Variants in ACSM5 observed in about 807,000 individuals in gnomAD.
ACSM5 encodes acyl-CoA synthetase medium chain family member 5, also known as acyl-coenzyme A synthetase ACSM5, mitochondrial.
ACSM5 carries 56 observed loss-of-function variants against 71.6 expected under a neutral mutation model. That is an observed-to-expected ratio of 0.78 (90% CI 0.63 to 0.98). The LOEUF is 0.98. Among genes scored for constraint, ACSM5 ranks in the 50% least tolerant of loss-of-function variants. The pLI, the probability that ACSM5 is intolerant of heterozygous loss-of-function variation, is 0.00. For synonymous variants in ACSM5, 285 were observed against 281.5 expected (o/e 1.01, Z -0.12); for missense variants, 723 against 726.0 (o/e 1.00, Z 0.05).
chr16:20,419,098 T>C, intron 3 of ACSM5, 130 bp from the exon 4 acceptor site: 2 of 746,432 alleles, frequency 2.7e-6, no homozygotes, highest in Admixed American at 4.7e-5. Flanking sequence ...AGGCTGTTAT[T>C]ATTATTATTG....
chr16:20,413,842 C>T (rs1199690076), intron 2 of ACSM5, among the ~76,000 whole-genome samples: 7 of 152,118 alleles, frequency 4.6e-5, no homozygotes, highest in Non-Finnish European at 7.3e-5. Flanking sequence ...TGCCCCAACA[C>T]CCACCCAAAG....
chr16:20,421,185 T>G, intron 4 of ACSM5, 73 bp from the exon 5 acceptor site: 1 of 1,469,084 alleles, frequency 6.8e-7, no homozygotes, highest in Non-Finnish European at 9.1e-7. Flanking sequence ...GTCATATTGT[T>G]GTTACACATA....
Position 20,419,290 on chromosome 16 carries a change from G to A in ACSM5, c.478G>A (p.Ala160Thr). 3.7e-6 allele frequency: 6 copies of A among 1,614,122 alleles called. No homozygotes were observed. Among genetic ancestry groups the A allele is most frequent in the Non-Finnish European group, 5.1e-6 (6 of 1,180,026 alleles). The change falls in exon 4 of 14, where the codon GCG becomes ACG. Residue 160 changes from alanine to threonine, a missense_variant. Coordinates refer to ENST00000331849, the MANE Select transcript of ACSM5 (RefSeq NM_017888.3). The part of the protein sequence containing the change: ...TEKDLKYRLQ[A>T]SRAKSIITSD... ...GAAGGACCTCAAGTACCGGCTGCAGGCGTCCAGGGCCAAGTCCATTATCAC... is the reference window on the plus strand; with the variant it reads ...GAAGGACCTCAAGTACCGGCTGCAGACGTCCAGGGCCAAGTCCATTATCAC...
intron 3 of ACSM5, 84 bp downstream of exon 3, chr16:20,418,353 G>C: frequency 7.4e-7 from 1 of 1,353,328 alleles, no homozygotes; most frequent in Non-Finnish European, 1.0e-6. Flanking sequence ...CTTGAAGATG[G>C]AGCAAAAATA....
intron 5 of ACSM5, 124 bp from the exon 6 acceptor site, chr16:20,423,792 A>G (rs903557605): frequency 8.9e-7 from 1 of 1,128,178 alleles, no homozygotes; most frequent in African/African-American, 1.6e-5. Context: ...GGTCTTGTTC[A>G]GGTTTCACAA....
intron 10 of ACSM5, among the ~76,000 whole-genome samples, chr16:20,432,449 A>G (rs1967117149): frequency 6.6e-6 from 1 of 152,234 alleles, no homozygotes; most frequent in Middle Eastern, 3.2e-3. Context: ...TCACTACAAG[A>G]GAAATAATCT....
At chr16:20,414,211 T>A (rs1966852436) in intron 2 of ACSM5, among the ~76,000 whole-genome samples, 1 of 152,202 alleles carries the variant, frequency 6.6e-6, no homozygotes, top group Admixed American at 6.5e-5. Flanking sequence ...CCTTAATCCC[T>A]GAAACCTGTG....
At chr16:20,432,966 T>G (rs2141658585) in intron 10 of ACSM5, among the ~76,000 whole-genome samples, 1 of 146,462 alleles carries the variant, frequency 6.8e-6, no homozygotes, top group East Asian at 2.2e-4. Flanking sequence ...CAAGCAACTC[T>G]CGCGCTCCAG....
intron 12 of ACSM5, among the ~76,000 whole-genome samples, chr16:20,438,685 G>A (rs1023297407): frequency 6.6e-6 from 1 of 151,640 alleles, no homozygotes; most frequent in Non-Finnish European, 1.5e-5. Flanking sequence ...GCCGGACACG[G>A]TGGCTCATGT....
At chr16:20,437,470 T>C in intron 12 of ACSM5, 103 bp downstream of exon 12, 3 of 966,360 alleles carry the variant, frequency 3.1e-6, no homozygotes, top group Non-Finnish European at 4.7e-6. Flanking sequence ...ACCTCCATCC[T>C]TGTGCCACAA....
At chr16:20,437,008 A>G (rs11646020) in intron 10 of ACSM5, 44 bp from the exon 11 acceptor site, 472,760 of 1,531,362 alleles carry the variant, frequency 0.31, 85,559 homozygotes, top group East Asian at 0.8. Context: ...TGGCCTTAGC[A>G]GTTGTTCCCA....
At chr16:20,436,747 C>T (rs1255857664) in intron 10 of ACSM5, among the ~76,000 whole-genome samples, 1 of 152,140 alleles carries the variant, frequency 6.6e-6, no homozygotes, top group Non-Finnish European at 1.5e-5. Flanking sequence ...AAAACCACAG[C>T]CAGTGGCCCT....
At chr16:20,436,218 T>TCTTCC (rs1311385772) in intron 10 of ACSM5, among the ~76,000 whole-genome samples, 1 of 135,726 alleles carries the variant, frequency 7.4e-6, no homozygotes, top group Non-Finnish European at 1.6e-5. Context: ...TCTTCCCTTC[T>TCTTCC]CTTCCCTTCC....
At chr16:20,423,043 CAT>C (rs753710615) in intron 5 of ACSM5, among the ~76,000 whole-genome samples, 26 of 152,294 alleles carry the variant, frequency 1.7e-4, no homozygotes, top group Non-Finnish European at 2.9e-4. Context: ...TTTGGATACA[CAT>C]GTCTGAAGTT....
intron 12 of ACSM5, among the ~76,000 whole-genome samples, chr16:20,438,432 A>T (rs2061375198): frequency 6.6e-6 from 1 of 151,774 alleles, no homozygotes; most frequent in African/African-American, 2.4e-5. Flanking sequence ...CAGCCCAGAG[A>T]ATCTGCATTT....
chr16:20,436,285 T>C (rs1967198627), intron 10 of ACSM5, among the ~76,000 whole-genome samples: 2 of 139,920 alleles, frequency 1.4e-5, no homozygotes, highest in South Asian at 5.2e-4. Flanking sequence ...CCCCTTCCTT[T>C]CCTTTGTTTC....
intron 12 of ACSM5, among the ~76,000 whole-genome samples, chr16:20,438,678 G>A (rs1461656143): frequency 4.0e-5 from 6 of 151,614 alleles, no homozygotes; most frequent in Non-Finnish European, 8.8e-5. Context: ...CACATAAGCC[G>A]GACACGGTGG....
intron 10 of ACSM5, among the ~76,000 whole-genome samples, chr16:20,434,008 G>A (rs1967148847): frequency 6.6e-6 from 1 of 152,010 alleles, no homozygotes; most frequent in South Asian, 2.1e-4. Flanking sequence ...CTTGATATCG[G>A]TCCTTTGTTT....
rs60844372 is a variant in ACSM5 at position 20,421,656 on chromosome 16, TACAC to T, written c.767+263_767+266del. 4.7e-3 allele frequency among the ~76,000 whole-genome samples: 494 copies of T among 105,968 alleles called. 8 individuals are homozygous for T. Among genetic ancestry groups the T allele is most frequent in the African/African-American group, 0.018 (475 of 25,980 alleles). The allele number at this position is 105,968 out of a possible 152,430, so 69.5% of individuals were successfully genotyped here. A position where few individuals can be genotyped will look rare whatever the true frequency, so the allele number is the denominator to read the frequency against. ...ATATATATATATATATATATATATA[TACAC>T]ACACACATATATATACATACATACA... On this transcript the variant is annotated intron_variant, in intron 5 of 13. Coordinates refer to ENST00000331849, the MANE Select transcript of ACSM5 (RefSeq NM_017888.3).
Sources: allele counts gnomAD v4.1 joint callset (sites outside exome capture counted in the v4.1 genomes callset), GRCh38; gene constraint gnomAD v4.1.1; transcripts MANE v1.5; gene names NCBI Gene and HGNC (gene_info 2026-07-23, HGNC 2026-07-21).